Variants in ME1 observed in about 807,000 individuals in gnomAD.
ME1 encodes malic enzyme 1.
Under a neutral mutation model 66.4 loss-of-function variants are expected in ME1, and 74 were observed. That is an observed-to-expected ratio of 1.11 (90% confidence interval 0.92 to 1.35). The LOEUF (loss-of-function observed/expected upper bound fraction) is 1.35. Among genes scored for constraint, ME1 ranks in the 40% most tolerant of loss-of-function variants. The pLI is 0.00. For missense variants in ME1, 750 were observed against 694.1 expected, an observed-to-expected ratio of 1.08 and a Z score of -0.90; for synonymous variants, 251 against 235.6, an observed-to-expected ratio of 1.07 and a Z score of -0.60.
intron 3 of ME1, among the ~76,000 whole-genome samples, chr6:83,386,161 A>G (rs1313749966): frequency 6.6e-6 from 1 of 151,968 alleles, no homozygotes; most frequent in Non-Finnish European, 1.5e-5. Flanking sequence ...TCAAAGGCTT[A>G]TTACCATAGA....
At chr6:83,350,259 G>A (rs867487291) in intron 4 of ME1, among the ~76,000 whole-genome samples, 30 of 152,264 alleles carry the variant, frequency 2.0e-4, no homozygotes, top group South Asian at 4.1e-4. Flanking sequence ...CATAGTTAGG[G>A]ATAAGAACAT....
intron 6 of ME1, among the ~76,000 whole-genome samples, chr6:83,292,771 G>A (rs1433389918): frequency 6.6e-6 from 1 of 152,200 alleles, no homozygotes; most frequent in Non-Finnish European, 1.5e-5. Context: ...GAGATGTGGT[G>A]GACTCTGCCC....
chr6:83,265,099 A>T (rs879816294), intron 6 of ME1, among the ~76,000 whole-genome samples: 2 of 152,188 alleles, frequency 1.3e-5, no homozygotes, highest in Non-Finnish European at 2.9e-5. Context: ...CACCATTGTA[A>T]TCAGTCAGCA....
At chr6:83,376,528 C>T (rs1158153341) in intron 3 of ME1, among the ~76,000 whole-genome samples, 1 of 150,374 alleles carries the variant, frequency 6.7e-6, no homozygotes, top group Admixed American at 6.6e-5. Context: ...AGGCCGGGTG[C>T]AGTAGCTCAC....
chr6:83,267,700 A>G (rs545596032), intron 6 of ME1, among the ~76,000 whole-genome samples: 4 of 152,156 alleles, frequency 2.6e-5, no homozygotes, highest in Non-Finnish European at 4.4e-5. Context: ...CATGTTTGCA[A>G]ATGCCTTAGA....
chr6:83,411,820 GT>G (rs1156461750), intron 1 of ME1, among the ~76,000 whole-genome samples: 2 of 152,138 alleles, frequency 1.3e-5, no homozygotes, highest in Admixed American at 1.3e-4. Context: ...TATATGCTAA[GT>G]TTGATCCTGG....
At chr6:83,292,648 G>C (rs769755396) in intron 6 of ME1, among the ~76,000 whole-genome samples, 1 of 152,200 alleles carries the variant, frequency 6.6e-6, no homozygotes, top group East Asian at 1.9e-4. Flanking sequence ...AACCATTGCT[G>C]TCTTCAGAGC....
intron 7 of ME1, among the ~76,000 whole-genome samples, chr6:83,247,616 T>G (rs1205908972): frequency 6.6e-6 from 1 of 152,116 alleles, no homozygotes; most frequent in East Asian, 1.9e-4. Context: ...AGATAATTAT[T>G]TTTGTTGGCA....
chr6:83,285,230 G>C lies in ME1; in HGVS notation c.704+30080C>G, dbSNP rs188008207. ...GGACTGTTCAAAACAAAATGGATTG[G>C]TTTTTCTCTCTTTTATTCTTTTGCC... On this transcript the variant is annotated intron_variant, in intron 6 of 13. Coordinates refer to ENST00000369705, the MANE Select transcript of ME1 (RefSeq NM_002395.6). 5.9e-5 allele frequency among the ~76,000 whole-genome samples: 9 copies of C among 152,208 alleles called. No individual in the cohort carries two copies. The East Asian group carries it at 1.5e-3, about 26-fold the overall frequency.
chr6:83,390,090 T>C (rs1769592722), intron 3 of ME1, among the ~76,000 whole-genome samples: 1 of 152,092 alleles, frequency 6.6e-6, no homozygotes, highest in South Asian at 2.1e-4. Context: ...CGGTTATTCA[T>C]ACAAGAATTT....
At chr6:83,310,861 G>A (rs1394749434) in intron 6 of ME1, among the ~76,000 whole-genome samples, 1 of 152,166 alleles carries the variant, frequency 6.6e-6, no homozygotes, top group African/African-American at 2.4e-5. Flanking sequence ...GAAAGCTTAT[G>A]TCCAGAAACA....
chr6:83,425,933 T>G (rs1770362927), intron 1 of ME1, among the ~76,000 whole-genome samples: 1 of 152,128 alleles, frequency 6.6e-6, no homozygotes, highest in African/African-American at 2.4e-5. Context: ...CCAATGCAAC[T>G]GTGTTAAGAG....
At chr6:83,307,888 T>G (rs903650693) in intron 6 of ME1, among the ~76,000 whole-genome samples, 1 of 152,192 alleles carries the variant, frequency 6.6e-6, no homozygotes, top group East Asian at 1.9e-4. Flanking sequence ...ATTAAAGAAA[T>G]AAATTTAGTA....
intron 5 of ME1, among the ~76,000 whole-genome samples, chr6:83,326,524 A>T (rs1768294333): frequency 1.3e-5 from 1 of 74,688 alleles, no homozygotes; most frequent in South Asian, 6.6e-4. Context: ...ATCTACAAGG[A>T]ACTTAAATTT....
intron 1 of ME1, among the ~76,000 whole-genome samples, chr6:83,426,801 A>C (rs1387968440): frequency 6.6e-6 from 1 of 152,188 alleles, no homozygotes; most frequent in Non-Finnish European, 1.5e-5. Flanking sequence ...TAAAATATGG[A>C]AGAGTGGTGT....
At chr6:83,362,963 A>G (rs115521110) in intron 3 of ME1, among the ~76,000 whole-genome samples, 4,182 of 152,248 alleles carry the variant, frequency 0.027, 199 homozygotes, top group African/African-American at 0.092. Context: ...GAATGGTGAA[A>G]CGGCCTTTTG....
chr6:83,228,123 G>A (rs80354054), intron 10 of ME1, among the ~76,000 whole-genome samples: 12,320 of 152,116 alleles, frequency 0.081, 885 homozygotes, highest in African/African-American at 0.19. Context: ...ATAATACAAG[G>A]TAAAAATCAA....
intron 6 of ME1, among the ~76,000 whole-genome samples, chr6:83,299,138 G>A (rs1767664047): frequency 1.3e-5 from 2 of 151,618 alleles, no homozygotes. Context: ...TGTGAAGAAT[G>A]TCAATGGTAG....
At chr6:83,252,264 T>TTGTTGTTGTTGTTGC (rs57816477) in intron 7 of ME1, among the ~76,000 whole-genome samples, 3 of 151,844 alleles carry the variant, frequency 2.0e-5, no homozygotes, top group Admixed American at 6.6e-5. Flanking sequence ...TCTGTTGTTG[T>TTGTTGTTGTTGTTGC]TGTTGTTGTT....
Sources: gnomAD v4.1 joint callset for allele counts (sites outside exome capture counted in the v4.1 genomes callset) on GRCh38, gnomAD v4.1.1 for gene constraint, MANE v1.5 for transcripts, NCBI Gene and HGNC (gene_info 2026-07-23, HGNC 2026-07-21) for gene names.